The following FHIT variants were observed in gnomAD, a reference collection of about 807,000 sequenced individuals.
FHIT encodes the protein bis(5'-adenosyl)-triphosphatase.
In FHIT, 19 loss-of-function variants were observed where a neutral mutation model predicts 17.9. That is an observed-to-expected ratio of 1.06 (90% CI 0.74 to 1.56). The LOEUF is 1.56. Ranked by LOEUF, FHIT falls within the 40% of genes most tolerant of loss-of-function variation. The pLI, the probability that FHIT is intolerant of heterozygous loss-of-function variation, is 0.00. For synonymous variants in FHIT, 81 were observed against 69.7 expected (o/e 1.16, Z -0.81); for missense variants, 248 against 189.2 (o/e 1.31, Z -1.82).
intron 8 of FHIT, among the ~76,000 whole-genome samples, chr3:59,907,966 A>G (rs1704664740): frequency 6.6e-6 from 1 of 152,202 alleles, no homozygotes; most frequent in Non-Finnish European, 1.5e-5. Flanking sequence ...CTCTGACACT[A>G]CTTATTTTGC....
intron 5 of FHIT, among the ~76,000 whole-genome samples, chr3:60,126,999 G>A (rs1238949896): frequency 6.6e-6 from 1 of 152,116 alleles, no homozygotes; most frequent in Non-Finnish European, 1.5e-5. Context: ...GATAAATGCA[G>A]GCAAGCAAGG....
At chr3:61,231,650 C>T (rs1282478548) in intron 1 of FHIT, among the ~76,000 whole-genome samples, 1 of 152,196 alleles carries the variant, frequency 6.6e-6, no homozygotes, top group African/African-American at 2.4e-5. Flanking sequence ...CAAAGATGTA[C>T]TGAGGATCTT....
At chr3:61,109,771 A>G (rs753484757) in intron 2 of FHIT, among the ~76,000 whole-genome samples, 8 of 152,186 alleles carry the variant, frequency 5.3e-5, no homozygotes, top group Non-Finnish European at 5.9e-5. Flanking sequence ...CTTTCACACA[A>G]ACACATACCT....
At chr3:60,324,142 T>G (rs989649494) in intron 5 of FHIT, among the ~76,000 whole-genome samples, 2 of 152,084 alleles carry the variant, frequency 1.3e-5, no homozygotes, top group African/African-American at 4.8e-5. Flanking sequence ...CTTAGAAGTA[T>G]TAACTCATTT....
intron 5 of FHIT, among the ~76,000 whole-genome samples, chr3:60,279,718 T>C (rs1559784334): frequency 6.6e-6 from 1 of 152,130 alleles, no homozygotes; most frequent in Non-Finnish European, 1.5e-5. Context: ...TATTATATAC[T>C]ACAACTAGGA....
Position 60,666,083 on chromosome 3 carries a change from G to A in FHIT, c.-17-129104C>T, listed in dbSNP as rs184128889. The stretch of plus-strand genomic sequence containing the variant: ...CCATTTTTCAATAACATTGAATTGA[G>A]TATCAGATGGTATTATAATTTTTGT... On this transcript the variant is annotated intron_variant, in intron 4 of 9. Coordinates refer to ENST00000492590, the MANE Select transcript of FHIT (RefSeq NM_002012.4). Among the ~76,000 whole-genome samples the A allele has an allele frequency of 7.9e-5, 12 of 152,156 alleles. No individual in the cohort carries two copies. In the East Asian group the frequency reaches 2.3e-3, roughly 29 times the overall value.
chr3:61,025,394 G>A (rs1377632101), intron 3 of FHIT, among the ~76,000 whole-genome samples: 1 of 152,142 alleles, frequency 6.6e-6, no homozygotes, highest in Non-Finnish European at 1.5e-5. Flanking sequence ...ATATGATTTT[G>A]TTCTTCACGG....
At chr3:60,440,172 A>G (rs1246569512) in intron 5 of FHIT, among the ~76,000 whole-genome samples, 1 of 152,122 alleles carries the variant, frequency 6.6e-6, no homozygotes, top group East Asian at 1.9e-4. Context: ...GAATGATTTC[A>G]GGAACAACTT....
chr3:60,057,941 T>A (rs1702145875), intron 5 of FHIT, among the ~76,000 whole-genome samples: 1 of 149,592 alleles, frequency 6.7e-6, no homozygotes, highest in South Asian at 2.1e-4. Context: ...AGTGACTGGT[T>A]TTCTGCACGG....
chr3:60,056,636 G>C (rs564323626), intron 5 of FHIT, among the ~76,000 whole-genome samples: 2 of 152,136 alleles, frequency 1.3e-5, no homozygotes, highest in African/African-American at 2.4e-5. Context: ...TGCCACCACC[G>C]GTCTCCATGT....
intron 4 of FHIT, among the ~76,000 whole-genome samples, chr3:60,679,478 A>G (rs569994727): frequency 6.6e-6 from 1 of 152,150 alleles, no homozygotes; most frequent in East Asian, 1.9e-4. Flanking sequence ...TTTTTTTGCT[A>G]TTTGTTTAAT....
At chr3:60,618,786 G>T (rs1424118407) in intron 4 of FHIT, among the ~76,000 whole-genome samples, 3 of 152,148 alleles carry the variant, frequency 2.0e-5, no homozygotes, top group Non-Finnish European at 4.4e-5. Context: ...CTTAAAAGTG[G>T]AAGAAGGAGG....
At chr3:60,388,883 G>T (rs552104384) in intron 5 of FHIT, among the ~76,000 whole-genome samples, 10 of 152,218 alleles carry the variant, frequency 6.6e-5, no homozygotes, top group Non-Finnish European at 1.3e-4. Flanking sequence ...CAGAGGGCTC[G>T]TAAAGTTAGC....
At chr3:60,298,094 A>G (rs536166963) in intron 5 of FHIT, among the ~76,000 whole-genome samples, 3 of 152,200 alleles carry the variant, frequency 2.0e-5, no homozygotes, top group African/African-American at 7.2e-5. Context: ...CTCTCTGGGA[A>G]GGTGCCCTCT....
At chr3:60,779,865 G>A (rs782796689) in intron 4 of FHIT, among the ~76,000 whole-genome samples, 6 of 152,158 alleles carry the variant, frequency 3.9e-5, no homozygotes, top group African/African-American at 9.7e-5. Flanking sequence ...TAAAGGCCAC[G>A]TTAATATCCA....
intron 5 of FHIT, among the ~76,000 whole-genome samples, chr3:60,061,993 T>C (rs966107415): frequency 1.3e-5 from 2 of 152,134 alleles, no homozygotes; most frequent in African/African-American, 4.8e-5. Flanking sequence ...AAAATGAAGA[T>C]ACGTCTCATG....
At chr3:59,949,395 T>A (rs1344303705) in intron 7 of FHIT, among the ~76,000 whole-genome samples, 2 of 152,210 alleles carry the variant, frequency 1.3e-5, no homozygotes, top group Non-Finnish European at 2.9e-5. Context: ...CTTGCTAACA[T>A]TTGGGCACCT....
chr3:59,920,715 A>C (rs902225301), intron 8 of FHIT, among the ~76,000 whole-genome samples: 7 of 152,122 alleles, frequency 4.6e-5, no homozygotes, highest in African/African-American at 1.2e-4. Context: ...GGCAACATTA[A>C]CCTTAGTTTA....
At chr3:60,591,949 G>C (rs191982454) in intron 4 of FHIT, among the ~76,000 whole-genome samples, 3 of 151,878 alleles carry the variant, frequency 2.0e-5, no homozygotes, top group African/African-American at 7.2e-5. Context: ...GGATTAATTT[G>C]GGTTACATGG....
Sources: gnomAD v4.1 joint callset for allele counts (sites outside exome capture counted in the v4.1 genomes callset) on GRCh38, gnomAD v4.1.1 for gene constraint, MANE v1.5 for transcripts, NCBI Gene and HGNC (gene_info 2026-07-23, HGNC 2026-07-21) for gene names.